The following RNF180 variants were observed in gnomAD, a reference collection of about 807,000 sequenced individuals.
RNF180 encodes E3 ubiquitin-protein ligase RNF180.
RNF180 carries 38 observed loss-of-function variants against 59.2 expected under a neutral mutation model. The observed-to-expected ratio is 0.64, with a 90% confidence interval of 0.50 to 0.84. RNF180 has a LOEUF of 0.84. RNF180 is among the 40% of genes least tolerant of loss of function. The pLI is 0.00. For synonymous variants in RNF180, 262 were observed against 240.3 expected, an observed-to-expected ratio of 1.09 and a Z score of -0.84; for missense variants, 705 against 700.9, an observed-to-expected ratio of 1.01 and a Z score of -0.07.
intron 7 of RNF180, among the ~76,000 whole-genome samples, chr5:64,337,919 G>A (rs1745199694): frequency 6.6e-6 from 1 of 152,002 alleles, no homozygotes; most frequent in African/African-American, 2.4e-5. Context: ...TGGACATTTG[G>A]GTTGGTTCCA....
Position 64,369,386 on chromosome 5 carries a change from A to C in RNF180, c.1580-229A>C, listed in dbSNP as rs1296984274. Among the ~76,000 whole-genome samples, 7 of 151,928 alleles carry C rather than the reference A, an allele frequency of 4.6e-5. 1 individual carries two copies. ...AATGATGAGTTAATAGGTGCAGCAC[A>C]CTAGCATGGCACATGTATACATATG... On this transcript the variant is annotated intron_variant, in intron 7 of 7. Transcript: ENST00000389100.
chr5:64,231,842 C>A (rs925602238), intron 5 of RNF180, among the ~76,000 whole-genome samples: 1 of 152,180 alleles, frequency 6.6e-6, no homozygotes, highest in Non-Finnish European at 1.5e-5. Flanking sequence ...TGTTCCAGAG[C>A]AAAAAGCTTT....
At chr5:64,278,661 C>T (rs1257488594) in intron 5 of RNF180, among the ~76,000 whole-genome samples, 2 of 152,038 alleles carry the variant, frequency 1.3e-5, no homozygotes, top group East Asian at 1.9e-4. Context: ...ATAATTGGAT[C>T]GTGGTAACAG....
At chr5:64,187,699 A>C (rs1354294197) in intron 1 of RNF180, among the ~76,000 whole-genome samples, 1 of 152,202 alleles carries the variant, frequency 6.6e-6, no homozygotes, top group Non-Finnish European at 1.5e-5. Flanking sequence ...TTGAACAGTA[A>C]TATGAGAGGG....
At chr5:64,223,139 A>G (rs984099638) in intron 5 of RNF180, among the ~76,000 whole-genome samples, 3 of 152,192 alleles carry the variant, frequency 2.0e-5, no homozygotes, top group African/African-American at 7.2e-5. Context: ...AGGCTCTATA[A>G]TAGAATCTGT....
chr5:64,192,346 G>A (rs1178960087), intron 1 of RNF180, among the ~76,000 whole-genome samples: 1 of 152,036 alleles, frequency 6.6e-6, no homozygotes, highest in Non-Finnish European at 1.5e-5. Context: ...TACACATTTG[G>A]TGGGAATATC....
chr5:64,242,347 G>A (rs1432156174), intron 5 of RNF180, among the ~76,000 whole-genome samples: 1 of 152,186 alleles, frequency 6.6e-6, no homozygotes, highest in Non-Finnish European at 1.5e-5. Context: ...AGAACAATCA[G>A]AGAAATGTAA....
chr5:64,353,622 A>C (rs951218398), intron 7 of RNF180, among the ~76,000 whole-genome samples: 26 of 151,834 alleles, frequency 1.7e-4, no homozygotes, highest in African/African-American at 6.0e-4. Context: ...ACCTAATGTC[A>C]AGTATTATAG....
At chr5:64,223,759 C>G (rs1580049584) in intron 5 of RNF180, among the ~76,000 whole-genome samples, 1 of 151,966 alleles carries the variant, frequency 6.6e-6, no homozygotes, top group Admixed American at 6.6e-5. Context: ...CTTCATGTAA[C>G]TAATGATCAC....
Position 64,214,361 on chromosome 5 carries a change from C to G in RNF180, c.1035C>G (p.Ala345=). Residue 345 remains alanine, a synonymous_variant, in exon 4 of 8, where the codon GCC becomes GCG. Coordinates refer to ENST00000389100, the MANE Select transcript of RNF180 (RefSeq NM_001113561.2). The stretch of plus-strand genomic sequence containing the variant: ...CAGCTGGCAGGAGCATGCCGGAGGC[C>G]TCAGACCAGGAAGAGCACCTCTCCC... ...LPSAGRSMPE[A]SDQEEHLSPL... 6.2e-7 allele frequency: 1 copy of G among 1,614,022 alleles called. No homozygotes were observed. Among genetic ancestry groups the G allele is most frequent in the Non-Finnish European group, 8.5e-7 (1 of 1,179,994 alleles).
chr5:64,224,627 A>G (rs1040365323), intron 5 of RNF180, among the ~76,000 whole-genome samples: 1 of 152,154 alleles, frequency 6.6e-6, no homozygotes, highest in African/African-American at 2.4e-5. Flanking sequence ...TCACTGGAGT[A>G]TAGGAAAGGT....
chr5:64,282,492 T>A (rs1742062489), intron 5 of RNF180, among the ~76,000 whole-genome samples: 1 of 152,114 alleles, frequency 6.6e-6, no homozygotes, highest in African/African-American at 2.4e-5. Flanking sequence ...AGATCAAACT[T>A]CTTGTTTTGT....
At chr5:64,247,733 T>G (rs1743281838) in intron 5 of RNF180, among the ~76,000 whole-genome samples, 1 of 152,202 alleles carries the variant, frequency 6.6e-6, no homozygotes, top group Non-Finnish European at 1.5e-5. Context: ...TACCATTGAC[T>G]TTCTTCACAG....
rs1159729079 is a variant in RNF180, at chr5:64,214,065, G to A, written c.739G>A (p.Glu247Lys). ...EKLTLLPTLY[E>K]IHSKTTAYSR... Reference sequence around the variant, plus strand: ...ACTGACTTTATTACCCACTTTATATGAAATACATAGTAAGACTACTGCCTA... The same window carrying A: ...ACTGACTTTATTACCCACTTTATATAAAATACATAGTAAGACTACTGCCTA... Residue 247 changes from glutamate (E) to lysine (K), a missense_variant, in exon 4 of 8, where the codon GAA becomes AAA. Glu to Lys is a moderately conservative substitution (Grantham distance 56, BLOSUM62 1). Transcript: ENST00000389100. 31 of 1,613,810 alleles carry A rather than the reference G, an allele frequency of 1.9e-5. No homozygotes were observed. Among genetic ancestry groups the A allele is most frequent in the African/African-American group, 5.3e-5 (4 of 74,888 alleles).
chr5:64,262,221 A>G (rs899985384), intron 5 of RNF180, among the ~76,000 whole-genome samples: 2 of 152,188 alleles, frequency 1.3e-5, no homozygotes, highest in African/African-American at 4.8e-5. Flanking sequence ...TATATATTTC[A>G]AAGCTAGATA....
At chr5:64,209,390 G>A (rs1752190256) in intron 2 of RNF180, among the ~76,000 whole-genome samples, 1 of 151,910 alleles carries the variant, frequency 6.6e-6, no homozygotes, top group African/African-American at 2.4e-5. Context: ...ATGATTAAAT[G>A]AAATAATGAA....
intron 5 of RNF180, among the ~76,000 whole-genome samples, chr5:64,306,264 A>G (rs192614577): frequency 2.2e-4 from 34 of 151,776 alleles, no homozygotes; most frequent in Non-Finnish European, 3.8e-4. Context: ...ATCAAAAACA[A>G]CTGTTTGAAA....
chr5:64,353,104 A>T (rs750077959), intron 7 of RNF180, among the ~76,000 whole-genome samples: 1 of 151,816 alleles, frequency 6.6e-6, no homozygotes, highest in Non-Finnish European at 1.5e-5. Flanking sequence ...TCTAGGCTAT[A>T]TTTGCTGTTA....
chr5:64,175,963 C>T (rs543829292), intron 1 of RNF180, among the ~76,000 whole-genome samples: 3 of 152,104 alleles, frequency 2.0e-5, no homozygotes, highest in Admixed American at 6.5e-5. Context: ...TATCTTACAA[C>T]TTTACTGAAT....
Sources: gnomAD v4.1 joint callset for allele counts (sites outside exome capture counted in the v4.1 genomes callset) on GRCh38, gnomAD v4.1.1 for gene constraint, MANE v1.5 for transcripts, NCBI Gene and HGNC (gene_info 2026-07-23, HGNC 2026-07-21) for gene names.